The following MAML2 variants were observed in gnomAD, a reference collection of about 807,000 sequenced individuals.
The protein encoded by MAML2 is mastermind-like protein 2.
MAML2 carries 22 observed loss-of-function variants against 96.1 expected under a neutral mutation model. The ratio of observed to expected loss-of-function variants is 0.23; its 90% CI spans 0.16 to 0.33. MAML2 has a LOEUF of 0.33. Among genes scored for constraint, MAML2 ranks in the 10% least tolerant of loss-of-function variants. The pLI is 1.00. For missense variants in MAML2, 1,367 were observed against 1,392.4 expected, an observed-to-expected ratio of 0.98 and a Z score of 0.29; for synonymous variants, 561 against 521.3, an observed-to-expected ratio of 1.08 and a Z score of -1.04.
intron 1 of MAML2, among the ~76,000 whole-genome samples, chr11:96,129,689 T>C (rs573854502): frequency 2.0e-5 from 3 of 152,332 alleles, no homozygotes; most frequent in Admixed American, 1.3e-4. Flanking sequence ...GTATATTGTG[T>C]TATGCTGAGG....
At chr11:96,200,385 AG>A (rs1861802250) in intron 1 of MAML2, among the ~76,000 whole-genome samples, 2 of 152,208 alleles carry the variant, frequency 1.3e-5, no homozygotes, top group Non-Finnish European at 2.9e-5. Context: ...GTCAGATCTC[AG>A]AGTAAACACA....
chr11:96,006,166 A>G (rs943803911), intron 2 of MAML2, among the ~76,000 whole-genome samples: 6 of 152,202 alleles, frequency 3.9e-5, no homozygotes, highest in African/African-American at 1.2e-4. Context: ...GCAAGCCACT[A>G]AATACTTCAG....
intron 2 of MAML2, among the ~76,000 whole-genome samples, chr11:96,059,628 AT>A (rs1465165060): frequency 1.3e-5 from 2 of 152,118 alleles, no homozygotes; most frequent in Non-Finnish European, 2.9e-5. Flanking sequence ...ATTTTGGAAT[AT>A]TTGCATTATT....
intron 1 of MAML2, among the ~76,000 whole-genome samples, chr11:96,312,510 G>A (rs1225749144): frequency 1.3e-5 from 2 of 152,156 alleles, no homozygotes; most frequent in Non-Finnish European, 2.9e-5. Context: ...CTCATCCCAG[G>A]AGATGTACAA....
chr11:96,164,177 A>G (rs577290668), intron 1 of MAML2, among the ~76,000 whole-genome samples: 67 of 152,234 alleles, frequency 4.4e-4, no homozygotes, highest in African/African-American at 1.6e-3. Context: ...TGCCCAGCCA[A>G]TACTGCGCTT....
intron 1 of MAML2, among the ~76,000 whole-genome samples, chr11:96,190,723 A>G (rs1245811926): frequency 1.3e-5 from 2 of 152,228 alleles, no homozygotes; most frequent in Non-Finnish European, 2.9e-5. Context: ...ATCCCTCTTC[A>G]TGGACATAAA....
intron 1 of MAML2, among the ~76,000 whole-genome samples, chr11:96,235,043 A>C (rs1862348679): frequency 6.6e-6 from 1 of 152,204 alleles, no homozygotes; most frequent in Admixed American, 6.5e-5. Context: ...TTTCTCAAGA[A>C]GGCTATAAAA....
rs534721066 is a variant in MAML2 at position 96,219,735 on chromosome 11, C to T, written c.513+121648G>A. On this transcript the variant is annotated intron_variant, in intron 1 of 4. Coordinates refer to ENST00000524717, the MANE Select transcript of MAML2 (RefSeq NM_032427.4). ...CACCCTCCTGGGTTCAAGTGGTTCT[C>T]ATGCCTCAGCCTCCTGAGCATTTGG... 2.0e-5 allele frequency among the ~76,000 whole-genome samples: 3 copies of T among 152,260 alleles called. No homozygotes were observed. The South Asian group carries it at 6.2e-4, about 32-fold the overall frequency.
At chr11:96,102,246 A>T (rs1414359136) in intron 1 of MAML2, among the ~76,000 whole-genome samples, 2 of 152,230 alleles carry the variant, frequency 1.3e-5, no homozygotes, top group Non-Finnish European at 2.9e-5. Context: ...ACTGCACTCC[A>T]GCCTGGGTGA....
intron 2 of MAML2, among the ~76,000 whole-genome samples, chr11:96,046,708 C>T (rs1307045391): frequency 6.6e-6 from 1 of 152,194 alleles, no homozygotes; most frequent in South Asian, 2.1e-4. Flanking sequence ...TTTCCACCCT[C>T]TCTCCTTCTC....
chr11:96,069,274 T>G (rs941791823), intron 2 of MAML2, among the ~76,000 whole-genome samples: 4 of 152,026 alleles, frequency 2.6e-5, no homozygotes, highest in Non-Finnish European at 5.9e-5. Context: ...CTTCCTCTCT[T>G]TCTTTTCTCT....
chr11:96,103,466 C>T (rs1351488826), intron 1 of MAML2, among the ~76,000 whole-genome samples: 1 of 152,198 alleles, frequency 6.6e-6, no homozygotes, highest in Non-Finnish European at 1.5e-5. Flanking sequence ...ATCAGCAAAT[C>T]CCATATGGCA....
At chr11:96,087,112 G>A (rs923948040) in intron 2 of MAML2, among the ~76,000 whole-genome samples, 1 of 152,126 alleles carries the variant, frequency 6.6e-6, no homozygotes, top group African/African-American at 2.4e-5. Context: ...GTCCTCACCT[G>A]TGAAAAACGG....
chr11:96,215,778 TC>T (rs1862040773), intron 1 of MAML2, among the ~76,000 whole-genome samples: 1 of 152,090 alleles, frequency 6.6e-6, no homozygotes, highest in Admixed American at 6.5e-5. Flanking sequence ...GGCTGGTTGT[TC>T]CCTCTCTTTA....
At chr11:96,007,634 A>T (rs920870442) in intron 2 of MAML2, among the ~76,000 whole-genome samples, 4 of 152,122 alleles carry the variant, frequency 2.6e-5, no homozygotes, top group Admixed American at 2.6e-4. Context: ...AGCCTGATAG[A>T]AAGTAGATAT....
At chr11:96,263,129 C>T (rs1321063831) in intron 1 of MAML2, among the ~76,000 whole-genome samples, 2 of 152,206 alleles carry the variant, frequency 1.3e-5, no homozygotes, top group Non-Finnish European at 2.9e-5. Flanking sequence ...GAGTAATTTG[C>T]TCACCATAGC....
chr11:96,224,267 A>T (rs1427582809), intron 1 of MAML2, among the ~76,000 whole-genome samples: 4 of 152,212 alleles, frequency 2.6e-5, no homozygotes, highest in African/African-American at 9.7e-5. Context: ...CTAAAGTACC[A>T]GTCTATTTAT....
intron 2 of MAML2, among the ~76,000 whole-genome samples, chr11:96,015,917 A>G (rs1269108394): frequency 6.6e-6 from 1 of 151,988 alleles, no homozygotes; most frequent in Non-Finnish European, 1.5e-5. Flanking sequence ...TTATTATTTA[A>G]CTTCTCAGGT....
intron 1 of MAML2, among the ~76,000 whole-genome samples, chr11:96,137,503 GA>G (rs1437237130): frequency 6.6e-6 from 1 of 152,218 alleles, no homozygotes; most frequent in Non-Finnish European, 1.5e-5. Context: ...TGCATTTTAA[GA>G]ACTGGACAAC....
Sources: allele counts gnomAD v4.1 joint callset (sites outside exome capture counted in the v4.1 genomes callset), GRCh38; gene constraint gnomAD v4.1.1; transcripts MANE v1.5; gene names NCBI Gene and HGNC (gene_info 2026-07-23, HGNC 2026-07-21).